Variants in SMPD3 observed in about 807,000 individuals in gnomAD.
The protein encoded by SMPD3 is nSMase-2.
A neutral mutation model predicts 55.7 loss-of-function variants in SMPD3; 21 were observed. The ratio of observed to expected loss-of-function variants is 0.38; its 90% CI spans 0.27 to 0.54. The LOEUF is 0.54. SMPD3 is among the 20% of genes least tolerant of loss of function. The pLI is 0.80. For missense variants in SMPD3, 842 were observed against 899.6 expected (o/e 0.94, Z 0.82); for synonymous variants, 457 against 404.3 (o/e 1.13, Z -1.56).
At chr16:68,402,089 T>C (rs1271735520) in intron 1 of SMPD3, among the ~76,000 whole-genome samples, 1 of 152,202 alleles carries the variant, frequency 6.6e-6, no homozygotes, top group Admixed American at 6.5e-5. Context: ...GTGACCTTCC[T>C]CTGAGTCACA....
At chr16:68,439,290 GC>G (rs1355622558) in intron 1 of SMPD3, among the ~76,000 whole-genome samples, 1 of 152,110 alleles carries the variant, frequency 6.6e-6, no homozygotes, top group African/African-American at 2.4e-5. Context: ...GGTTACTCCA[GC>G]CCCCGTTCCT....
rs71395853 is a variant in SMPD3, at chr16:68,361,619, C to T, written c.1850G>A (p.Cys617Tyr). Residue 617 changes from cysteine to tyrosine, a missense_variant, in exon 8 of 9, where the codon TGC becomes TAC. By Grantham distance (194) the Cys-to-Tyr change is radical. Transcript: ENST00000219334. ...DYMLHAEEGL[C>Y]PDWKAEVEEF... Reference sequence around the variant, plus strand: ...CTGACTCACGGCCTTCCAGTCTGGGCACAGCCCCTCCTCTGCATGCAGCAT... The same window carrying T: ...CTGACTCACGGCCTTCCAGTCTGGGTACAGCCCCTCCTCTGCATGCAGCAT... 0.042 allele frequency: 68,047 copies of T among 1,609,006 alleles called. 1,644 individuals are homozygous for T. The highest frequency in any genetic ancestry group is 0.11 in the Middle Eastern group (656 of 6,056).
chr16:68,363,743 C>T (rs1362027673), intron 6 of SMPD3, 34 bp downstream of exon 6: 4 of 1,533,600 alleles, frequency 2.6e-6, no homozygotes, highest in Non-Finnish European at 1.8e-6. Context: ...GTGGGGAGCC[C>T]AGCTCCCATC....
At chr16:68,427,203 A>G (rs2152027651) in intron 1 of SMPD3, among the ~76,000 whole-genome samples, 1 of 152,090 alleles carries the variant, frequency 6.6e-6, no homozygotes, top group African/African-American at 2.4e-5. Flanking sequence ...GGGTTTCACC[A>G]CGTTGGCCAG....
rs1385149642 is a variant in SMPD3, at chr16:68,447,468, C to A, written c.-269+885G>T. On this transcript the variant is annotated intron_variant, in intron 1 of 8. Coordinates refer to ENST00000219334, the MANE Select transcript of SMPD3 (RefSeq NM_018667.4). The surrounding 1 kb of genome is among the most constrained non-coding windows in gnomAD (Gnocchi z 5.1). ...TCGACTTAGAGCCCCAGGCCTGGAT[C>A]CAGGTAGGGAGGGCCTGGGAGATAA... Among the ~76,000 whole-genome samples the A allele has an allele frequency of 6.6e-6, 1 of 152,188 alleles. No homozygotes were observed. Among genetic ancestry groups the A allele is most frequent in the Non-Finnish European group, 1.5e-5 (1 of 68,012 alleles).
Position 68,380,125 on chromosome 16 carries a change from AAGG to A in SMPD3, c.-207+6470_-207+6472del, listed in dbSNP as rs201856118. On this transcript the variant is annotated intron_variant, in intron 2 of 8. Transcript: ENST00000219334. ...ATTAGTGACCACAAAGGGTGCCAGC[AAGG>A]AGAAGGCTGGATGGAGGCTGGCACC... is the stretch of plus-strand genomic sequence containing the variant. 9.5e-3 allele frequency among the ~76,000 whole-genome samples: 1,454 copies of A among 152,354 alleles called. 24 individuals are homozygous for A. The highest frequency in any genetic ancestry group is 0.032 in the African/African-American group (1,347 of 41,586).
intron 1 of SMPD3, among the ~76,000 whole-genome samples, chr16:68,419,484 C>G (rs955322439): frequency 6.6e-6 from 1 of 152,210 alleles, no homozygotes; most frequent in Admixed American, 6.5e-5. Flanking sequence ...CAATGTCCCC[C>G]TCAACGCCTA....
chr16:68,408,491 G>A (rs2090270532), intron 1 of SMPD3, among the ~76,000 whole-genome samples: 1 of 152,216 alleles, frequency 6.6e-6, no homozygotes. Context: ...GATTGATTTA[G>A]AAATTTTTTT....
At chr16:68,446,922 G>A (rs2090614532) in intron 1 of SMPD3, among the ~76,000 whole-genome samples, 1 of 152,222 alleles carries the variant, frequency 6.6e-6, no homozygotes, top group Admixed American at 6.5e-5. Flanking sequence ...TATGGGAAAA[G>A]GGAAAGATGT....
chr16:68,395,412 T>C (rs2090146784), intron 1 of SMPD3, among the ~76,000 whole-genome samples: 1 of 152,264 alleles, frequency 6.6e-6, no homozygotes, highest in South Asian at 2.1e-4. Context: ...AAAAAGATTC[T>C]ATTTTATTAG....
chr16:68,364,943 T>C (rs1412709101), intron 4 of SMPD3, 37 bp from the exon 5 acceptor site: 1 of 1,612,904 alleles, frequency 6.2e-7, no homozygotes, highest in Admixed American at 1.7e-5. Flanking sequence ...ATGATGAAGT[T>C]CGCCCCAGAC....
At chr16:68,388,808 G>T (rs571428747) in intron 1 of SMPD3, among the ~76,000 whole-genome samples, 29 of 152,194 alleles carry the variant, frequency 1.9e-4, no homozygotes, top group African/African-American at 6.7e-4. Context: ...AAAGAAAAAA[G>T]AAACATGTCA....
intron 1 of SMPD3, among the ~76,000 whole-genome samples, chr16:68,406,522 G>A (rs1003347226): frequency 1.3e-5 from 2 of 152,180 alleles, no homozygotes; most frequent in Middle Eastern, 3.2e-3. Context: ...TGGAAAGAGG[G>A]AAGCCTGTCG....
At chr16:68,403,162 C>T (rs763583676) in intron 1 of SMPD3, among the ~76,000 whole-genome samples, 11 of 152,230 alleles carry the variant, frequency 7.2e-5, no homozygotes, top group Non-Finnish European at 1.5e-4. Flanking sequence ...TTTCCCTGAC[C>T]ATCCCGTACA....
rs1355222294 is a variant in SMPD3 at position 68,372,232 on chromosome 16, G to A, written c.-51C>T. 1.9e-6 allele frequency: 3 copies of A among 1,587,010 alleles called. No individual in the cohort carries two copies. The highest frequency in any genetic ancestry group is 2.6e-6 in the Non-Finnish European group (3 of 1,168,252). ...GCCCTACTACATGGTGTCCGTGGCA[G>A]CTGCGGGCACTTTCCTGGGCGAGGG... On this transcript the variant is annotated 5_prime_UTR_variant, in exon 3 of 9. Coordinates refer to ENST00000219334, the MANE Select transcript of SMPD3 (RefSeq NM_018667.4).
Position 68,371,015 on chromosome 16 carries a change from G to A in SMPD3, c.1167C>T (p.Val389=), listed in dbSNP as rs138023473. ...AGCAGCCCTGGCAGCCGTAGACCCC[G>A]ACGTCGTACAGGATGTACTCGAAGT... The part of the protein sequence containing the change: ...HGYFEYILYD[V]GVYGCQGCCS... Residue 389 remains valine (V), a synonymous_variant, in exon 3 of 9, where the codon GTC becomes GTT. Transcript: ENST00000219334. 3.4e-4 allele frequency: 550 copies of A among 1,614,184 alleles called. No individual in the cohort carries two copies. The highest frequency in any genetic ancestry group is 1.7e-3 in the South Asian group (156 of 91,086).
At position 68,371,858 on chromosome 16, in the gene SMPD3, C is replaced by T; in HGVS notation, c.324G>A (p.Gly108=). ...CCTTCCATTCACTGAGCAGGGCTGC[C>T]CCACCGGCCAGGCCCTTGTCTTCCA... is the stretch of plus-strand genomic sequence containing the variant. ...SRLEDKGLAG[G]AALLSEWKGT... is the part of the protein sequence containing the mutation. Residue 108 remains glycine (G), a synonymous_variant, in exon 3 of 9, where the codon GGG becomes GGA. Coordinates refer to ENST00000219334, the MANE Select transcript of SMPD3 (RefSeq NM_018667.4). The T allele has an allele frequency of 6.2e-7, 1 of 1,606,324 alleles. No individual in the cohort carries two copies. Among genetic ancestry groups the T allele is most frequent in the Non-Finnish European group, 8.5e-7 (1 of 1,177,514 alleles).
At chr16:68,403,573 G>A (rs2090229068) in intron 1 of SMPD3, among the ~76,000 whole-genome samples, 1 of 152,172 alleles carries the variant, frequency 6.6e-6, no homozygotes, top group Admixed American at 6.5e-5. Flanking sequence ...AATATCCAGG[G>A]ATTTTTATTC....
At chr16:68,383,993 C>G (rs79882605) in intron 2 of SMPD3, among the ~76,000 whole-genome samples, 1,583 of 152,316 alleles carry the variant, frequency 0.01, 18 homozygotes, top group Middle Eastern at 0.099. Context: ...TCTGGCCCAC[C>G]TGGCAGCTGG....
Sources: gnomAD v4.1 joint callset for allele counts (sites outside exome capture counted in the v4.1 genomes callset) on GRCh38, gnomAD v4.1.1 for gene constraint, Gnocchi (gnomAD v3.1) non-coding constraint, MANE v1.5 for transcripts, NCBI Gene and HGNC (gene_info 2026-07-23, HGNC 2026-07-21) for gene names.